The following PLXNA4 variants were observed in gnomAD, a reference collection of about 807,000 sequenced individuals.
PLXNA4 encodes the protein plexin-A4.
PLXNA4 carries 44 observed loss-of-function variants against 191.8 expected under a neutral mutation model. That is an observed-to-expected ratio of 0.23 (90% CI 0.18 to 0.29). The LOEUF (loss-of-function observed/expected upper bound fraction) is 0.29, where lower values mean the gene tolerates loss of function less well. PLXNA4 is among the 10% of genes least tolerant of loss of function. PLXNA4 has a pLI of 1.00. For synonymous variants in PLXNA4, 1,082 were observed against 1,009.5 expected, an observed-to-expected ratio of 1.07 and a Z score of -1.36; for missense variants, 1,800 against 2,488.8, an observed-to-expected ratio of 0.72 and a Z score of 5.89.
chr7:132,566,232 C>T (rs780182112), intron 1 of PLXNA4, among the ~76,000 whole-genome samples: 1 of 152,108 alleles, frequency 6.6e-6, no homozygotes, highest in African/African-American at 2.4e-5. Context: ...TGATTCAAAC[C>T]CAAATACCAC....
At chr7:132,410,019 G>T (rs899538438) in intron 3 of PLXNA4, among the ~76,000 whole-genome samples, 2 of 152,178 alleles carry the variant, frequency 1.3e-5, no homozygotes, top group African/African-American at 4.8e-5. Flanking sequence ...TGAGTCCCTT[G>T]GGTTGAGAGA....
chr7:132,516,906 G>A (rs535092167), intron 1 of PLXNA4, among the ~76,000 whole-genome samples: 28 of 152,286 alleles, frequency 1.8e-4, no homozygotes, highest in African/African-American at 6.5e-4. Flanking sequence ...GCGGTGAGCC[G>A]AGATTGTGCC....
At chr7:132,487,871 A>G (rs1014856280) in intron 3 of PLXNA4, among the ~76,000 whole-genome samples, 1 of 152,258 alleles carries the variant, frequency 6.6e-6, no homozygotes, top group Non-Finnish European at 1.5e-5. Context: ...GCAAGGAAAG[A>G]TTCCATTGCG....
In PLXNA4 at chr7:132,508,013, A is replaced by C; in HGVS notation, c.681T>G (p.Ile227Met). Residue 227 changes from isoleucine to methionine, a missense_variant, in exon 2 of 32, where the codon ATT (isoleucine) becomes ATG (methionine). Ile to Met is a conservative substitution (Grantham distance 10). This residue lies in a region of PLXNA4 where 1,397 missense variants were observed against 1,880.4 expected (regional missense o/e 0.74). Transcript: ENST00000321063. This position sits in a 1 kb window ranked among gnomAD's most constrained non-coding sequence, Gnocchi z 4.4. ...VFHDEFVASM[I>M]KIPSDTFTII... is the part of the protein sequence containing the mutation. ...TGGTGAAGGTGTCCGAAGGGATCTT[A>C]ATCATCGAGGCCACGAACTCATCAT... 1.2e-6 allele frequency: 2 copies of C among 1,614,238 alleles called. No individual in the cohort carries two copies. Among genetic ancestry groups the C allele is most frequent in the Non-Finnish European group, 1.7e-6 (2 of 1,180,036 alleles).
intron 2 of PLXNA4, among the ~76,000 whole-genome samples, chr7:132,615,926 G>GCTCTCTCTCTCTCT (rs1349796690): frequency 3.6e-5 from 1 of 27,780 alleles, no homozygotes; most frequent in Non-Finnish European, 1.1e-4. Flanking sequence ...ACAGATAAAG[G>GCTCTCTCTCTCTCT]ATCTCTCTCT....
intron 29 of PLXNA4, 132 bp downstream of exon 29, chr7:132,144,987 G>A: frequency 2.2e-6 from 3 of 1,335,614 alleles, no homozygotes; most frequent in Non-Finnish European, 2.1e-6. Context: ...GAATGTGCCT[G>A]CTCAGAGTCC....
At chr7:132,226,952 A>G (rs1179804532) in intron 7 of PLXNA4, among the ~76,000 whole-genome samples, 2 of 152,252 alleles carry the variant, frequency 1.3e-5, no homozygotes, top group South Asian at 2.1e-4. Flanking sequence ...CCTCACCAGC[A>G]TGGAGCCTCT....
chr7:132,520,737 C>T (rs987117876), intron 1 of PLXNA4, among the ~76,000 whole-genome samples: 2 of 152,154 alleles, frequency 1.3e-5, no homozygotes, highest in Admixed American at 1.3e-4. Flanking sequence ...CCGGCCGCCC[C>T]TCCACTCCTA....
At chr7:132,594,976 A>ATAG (rs1554475616) in intron 2 of PLXNA4, among the ~76,000 whole-genome samples, 1 of 109,514 alleles carries the variant, frequency 9.1e-6, no homozygotes, top group Non-Finnish European at 2.0e-5. Flanking sequence ...ATTGATAGAT[A>ATAG]ATAGATAGAT....
At chr7:132,177,018 AGT>A (rs1376441093) in intron 20 of PLXNA4, among the ~76,000 whole-genome samples, 5 of 147,606 alleles carry the variant, frequency 3.4e-5, no homozygotes, top group African/African-American at 4.9e-5. Flanking sequence ...TGCATGTGCA[AGT>A]GTGAGTGTGT....
At chr7:132,546,628 AG>A (rs1350169801) in intron 1 of PLXNA4, among the ~76,000 whole-genome samples, 1 of 152,202 alleles carries the variant, frequency 6.6e-6, no homozygotes, top group African/African-American at 2.4e-5. Context: ...TGGAGAGCAG[AG>A]GGGAGAAGAA....
chr7:132,482,356 C>T (rs1220541494), intron 3 of PLXNA4, among the ~76,000 whole-genome samples: 3 of 152,196 alleles, frequency 2.0e-5, no homozygotes, highest in South Asian at 2.1e-4. Flanking sequence ...TTGTTGTGCA[C>T]GTGGCCTCAT....
At chr7:132,399,985 A>T (rs975673028) in intron 3 of PLXNA4, among the ~76,000 whole-genome samples, 1 of 152,156 alleles carries the variant, frequency 6.6e-6, no homozygotes, top group Non-Finnish European at 1.5e-5. Context: ...TTGTGATCAG[A>T]TGGTCCCATA....
chr7:132,597,859 C>CTCTCTCTCTA (rs10660880), intron 2 of PLXNA4, among the ~76,000 whole-genome samples: 8 of 145,278 alleles, frequency 5.5e-5, no homozygotes, highest in Admixed American at 1.4e-4. Context: ...CTCTCTCTCT[C>CTCTCTCTCTA]TATATATATA....
rs865947497 is a variant in PLXNA4, at chr7:132,389,039, A to G, written c.1372-90817T>C. Among the ~76,000 whole-genome samples, 22 of 152,140 alleles carry G rather than the reference A, an allele frequency of 1.4e-4. 1 individual carries two copies. The highest frequency in any genetic ancestry group is 4.8e-4 in the African/African-American group (20 of 41,424). Reference sequence around the variant, plus strand: ...GACCAGTGATGATGAGCTTTTTTTCATATGTTTGTTGGATGCATAAATGTT... The same window carrying G: ...GACCAGTGATGATGAGCTTTTTTTCGTATGTTTGTTGGATGCATAAATGTT... On this transcript the variant is annotated intron_variant, in intron 3 of 31. Coordinates refer to ENST00000321063, the MANE Select transcript of PLXNA4 (RefSeq NM_020911.2).
intron 2 of PLXNA4, among the ~76,000 whole-genome samples, chr7:132,504,301 G>C (rs554772699): frequency 1.3e-3 from 197 of 152,330 alleles, no homozygotes; most frequent in Middle Eastern, 6.8e-3. Flanking sequence ...CTTGTAGTAG[G>C]GGTTCTTCTT....
chr7:132,589,559 C>T (rs1256528160), intron 2 of PLXNA4, among the ~76,000 whole-genome samples: 2 of 152,080 alleles, frequency 1.3e-5, no homozygotes, highest in Non-Finnish European at 2.9e-5. Context: ...AGGAAGAAAA[C>T]CAAGGACTCA....
At chr7:132,137,360 T>A (rs534326952) in intron 30 of PLXNA4, among the ~76,000 whole-genome samples, 1 of 152,198 alleles carries the variant, frequency 6.6e-6, no homozygotes, top group Non-Finnish European at 1.5e-5. Flanking sequence ...GTGAGGCCAA[T>A]GTTGCTGCAA....
At chr7:132,204,986 C>T (rs1054489204) in intron 10 of PLXNA4, among the ~76,000 whole-genome samples, 12 of 152,142 alleles carry the variant, frequency 7.9e-5, no homozygotes, top group African/African-American at 2.7e-4. Context: ...GAGCTAGGTT[C>T]GGTGTTTGTC....
Sources: gnomAD v4.1 joint callset for allele counts (sites outside exome capture counted in the v4.1 genomes callset) on GRCh38, gnomAD v4.1.1 for gene constraint, gnomAD v4.1.1 regional missense constraint, Gnocchi (gnomAD v3.1) non-coding constraint, MANE v1.5 for transcripts, NCBI Gene and HGNC (gene_info 2026-07-23, HGNC 2026-07-21) for gene names.